The following GSG1L variants were observed in gnomAD, a reference collection of about 807,000 sequenced individuals.
GSG1L encodes GSG1 like.
A neutral mutation model predicts 42.1 loss-of-function variants in GSG1L; 24 were observed. That is an observed-to-expected ratio of 0.57 (90% CI 0.41 to 0.80). The LOEUF (loss-of-function observed/expected upper bound fraction) is 0.80, where lower values mean the gene tolerates loss of function less well. Ranked by LOEUF, GSG1L falls within the 30% of genes least tolerant of loss-of-function variation. The probability of loss-of-function intolerance (pLI) is 0.00; values close to 1 mark genes in which losing one functional copy is unlikely to be tolerated. For synonymous variants in GSG1L, 215 were observed against 203.5 expected (o/e 1.06, Z -0.48); for missense variants, 445 against 472.2 (o/e 0.94, Z 0.53).
intron 1 of GSG1L, among the ~76,000 whole-genome samples, chr16:28,035,348 C>T (rs867555786): frequency 6.6e-6 from 1 of 152,124 alleles, no homozygotes. Flanking sequence ...CTTTAAATGG[C>T]TTTTAGAGTG....
chr16:27,991,195 T>G (rs1229526563), intron 1 of GSG1L, among the ~76,000 whole-genome samples: 1 of 152,210 alleles, frequency 6.6e-6, no homozygotes, highest in Non-Finnish European at 1.5e-5. Flanking sequence ...TTCTGAGCTT[T>G]TATTATTTGC....
At chr16:27,984,662 T>A (rs1410467942) in intron 1 of GSG1L, among the ~76,000 whole-genome samples, 2 of 152,034 alleles carry the variant, frequency 1.3e-5, no homozygotes, top group Non-Finnish European at 2.9e-5. Context: ...GTTTCTGGCA[T>A]TTTTTTTCAG....
At chr16:28,055,284 T>G (rs548470578) in intron 1 of GSG1L, among the ~76,000 whole-genome samples, 38 of 152,184 alleles carry the variant, frequency 2.5e-4, no homozygotes, top group African/African-American at 8.7e-4. Context: ...GCCTCCTGAG[T>G]AGCTGGGACT....
intron 5 of GSG1L, among the ~76,000 whole-genome samples, chr16:27,810,931 A>C (rs1215545980): frequency 6.6e-6 from 1 of 152,054 alleles, no homozygotes; most frequent in Non-Finnish European, 1.5e-5. Context: ...CAGGTGATCC[A>C]CCCACCTTGG....
chr16:27,881,861 G>A (rs2384822), intron 3 of GSG1L, among the ~76,000 whole-genome samples: 47,493 of 151,776 alleles, frequency 0.31, 7,686 homozygotes, highest in African/African-American at 0.39. Flanking sequence ...CCTCCTGCAC[G>A]GTGGACCTGT....
intron 1 of GSG1L, among the ~76,000 whole-genome samples, chr16:28,042,375 G>A (rs1251955117): frequency 6.6e-6 from 1 of 150,646 alleles, no homozygotes; most frequent in Non-Finnish European, 1.5e-5. Context: ...GGCGGAGGTT[G>A]CAGTGAACTG....
intron 1 of GSG1L, among the ~76,000 whole-genome samples, chr16:28,034,221 T>A (rs1454161015): frequency 1.3e-4 from 1 of 7,806 alleles, no homozygotes; most frequent in African/African-American, 4.5e-4. Flanking sequence ...ACCCATCCCA[T>A]CCCATCCCAT....
At chr16:28,030,390 C>G (rs2085944286) in intron 1 of GSG1L, among the ~76,000 whole-genome samples, 1 of 152,080 alleles carries the variant, frequency 6.6e-6, no homozygotes, top group African/African-American at 2.4e-5. Context: ...GGATATAAAC[C>G]TGGAGCTGCT....
intron 1 of GSG1L, among the ~76,000 whole-genome samples, chr16:28,054,847 CA>C (rs2086261677): frequency 6.6e-6 from 1 of 151,924 alleles, no homozygotes; most frequent in Non-Finnish European, 1.5e-5. Context: ...GATTTGCTGC[CA>C]AATGTGAACA....
In GSG1L at chr16:28,063,358, C is replaced by A; in HGVS notation, c.67G>T (p.Ala23Ser). 1 of 1,403,648 alleles carries A rather than the reference C, an allele frequency of 7.1e-7. No individual in the cohort carries two copies. Among genetic ancestry groups the A allele is most frequent in the South Asian group, 1.3e-5 (1 of 75,358 alleles). 86.9% of individuals were successfully genotyped at this position (1,403,648 alleles called of 1,614,324 possible). A position where few individuals can be genotyped will look rare whatever the true frequency, so the allele number is the denominator to read the frequency against. ...TGCGTGGTGAGGAAAGCGGTGGTGGCGAACAGCAGCGCCAGCAGGTTCAGG... is the reference window on the plus strand; with the variant it reads ...TGCGTGGTGAGGAAAGCGGTGGTGGAGAACAGCAGCGCCAGCAGGTTCAGG... ...VALNLLALLF[A>S]TTAFLTTHWC... is the part of the protein sequence containing the mutation. Residue 23 changes from alanine to serine, a missense_variant, in exon 1 of 7, where the codon GCC becomes TCC. Around this residue, in one of 3 missense-constraint regions of GSG1L, gnomAD observed 156 missense variants for 128.3 expected, o/e 1.22. Transcript: ENST00000447459. This position sits in a 1 kb window ranked among gnomAD's most constrained non-coding sequence, Gnocchi z 5.8.
intron 1 of GSG1L, among the ~76,000 whole-genome samples, chr16:28,004,615 A>G (rs2141147923): frequency 6.6e-6 from 1 of 152,104 alleles, no homozygotes; most frequent in East Asian, 1.9e-4. Context: ...CCCCATCTCT[A>G]CAAAAAACAA....
At chr16:27,913,418 G>A (rs541249304) in intron 2 of GSG1L, among the ~76,000 whole-genome samples, 1 of 152,180 alleles carries the variant, frequency 6.6e-6, no homozygotes, top group East Asian at 1.9e-4. Flanking sequence ...TTGGTGATTC[G>A]CTGCATTCTT....
At chr16:27,946,647 GAAAGA>G (rs2084873039) in intron 2 of GSG1L, among the ~76,000 whole-genome samples, 1 of 21,342 alleles carries the variant, frequency 4.7e-5, no homozygotes, top group Non-Finnish European at 9.3e-5. Flanking sequence ...AAGAAAGAAA[GAAAGA>G]AAGAAAAGAA....
intron 3 of GSG1L, among the ~76,000 whole-genome samples, chr16:27,854,596 A>G (rs1262122184): frequency 6.6e-6 from 1 of 152,144 alleles, no homozygotes; most frequent in Non-Finnish European, 1.5e-5. Flanking sequence ...CAGCCAGCAC[A>G]TCCTCGAGGG....
At chr16:28,057,224 G>T (rs1185032675) in intron 1 of GSG1L, among the ~76,000 whole-genome samples, 1 of 152,142 alleles carries the variant, frequency 6.6e-6, no homozygotes, top group East Asian at 1.9e-4. Flanking sequence ...ATGGAACAGG[G>T]AACCCTCCAG....
At chr16:27,855,240 C>G (rs1295842310) in intron 3 of GSG1L, among the ~76,000 whole-genome samples, 5 of 152,078 alleles carry the variant, frequency 3.3e-5, no homozygotes, top group Admixed American at 2.0e-4. Flanking sequence ...ATCCCCACAA[C>G]AGGCCCATTA....
chr16:27,987,964 A>G (rs1297829486), intron 1 of GSG1L, among the ~76,000 whole-genome samples: 1 of 147,258 alleles, frequency 6.8e-6, no homozygotes, highest in African/African-American at 2.5e-5. Flanking sequence ...AAAAAAAAAA[A>G]AAACCGGAAA....
At chr16:27,813,883 A>G (rs2083061928) in intron 5 of GSG1L, among the ~76,000 whole-genome samples, 1 of 152,100 alleles carries the variant, frequency 6.6e-6, no homozygotes, top group Non-Finnish European at 1.5e-5. Flanking sequence ...AGGCAGCATG[A>G]CCCTGTGCAG....
At chr16:27,829,577 C>T (rs890297266) in intron 4 of GSG1L, among the ~76,000 whole-genome samples, 3 of 152,188 alleles carry the variant, frequency 2.0e-5, no homozygotes, top group Admixed American at 6.5e-5. Flanking sequence ...CACAGGGATT[C>T]GCTCTGTTGC....
Sources: allele counts gnomAD v4.1 joint callset (sites outside exome capture counted in the v4.1 genomes callset), GRCh38; gene constraint gnomAD v4.1.1; regional missense constraint gnomAD v4.1.1; non-coding constraint Gnocchi (gnomAD v3.1); transcripts MANE v1.5; gene names NCBI Gene and HGNC (gene_info 2026-07-23, HGNC 2026-07-21).